VPS35L: variants seen among roughly 807,000 people sequenced by gnomAD.
VPS35L encodes the protein VPS35 endosomal protein-sorting factor-like.
In VPS35L, 83 loss-of-function variants were observed where a neutral mutation model predicts 133.0. That is an observed-to-expected ratio of 0.62 (90% CI 0.52 to 0.75). The LOEUF is 0.75. VPS35L is among the 30% of genes least tolerant of loss of function. The pLI, the probability that VPS35L is intolerant of heterozygous loss-of-function variation, is 0.00. For missense variants in VPS35L, 1,083 were observed against 1,206.8 expected, an observed-to-expected ratio of 0.90 and a Z score of 1.52; for synonymous variants, 423 against 449.9, an observed-to-expected ratio of 0.94 and a Z score of 0.76.
At chr16:19,654,330 T>A (rs1974230079) in intron 26 of VPS35L, among the ~76,000 whole-genome samples, 1 of 152,046 alleles carries the variant, frequency 6.6e-6, no homozygotes, top group East Asian at 1.9e-4. Context: ...TTGTCTCTGA[T>A]ACCCCCTCTC....
intron 2 of VPS35L, among the ~76,000 whole-genome samples, chr16:19,568,639 A>T (rs1159393883): frequency 6.6e-6 from 1 of 152,064 alleles, no homozygotes. Flanking sequence ...CTCCTAGGGT[A>T]TTAGGAGCTC....
intron 27 of VPS35L, among the ~76,000 whole-genome samples, chr16:19,677,183 C>T (rs983321075): frequency 2.6e-5 from 4 of 151,738 alleles, no homozygotes; most frequent in African/African-American, 4.8e-5. Flanking sequence ...CTCTTGCCTC[C>T]GCCTCCCGAG....
chr16:19,623,230 A>G (rs1344346827), intron 14 of VPS35L, among the ~76,000 whole-genome samples: 1 of 152,154 alleles, frequency 6.6e-6, no homozygotes, highest in African/African-American at 2.4e-5. Flanking sequence ...AGGAGCTTAA[A>G]CAACAGACTT....
At chr16:19,579,228 G>A in intron 6 of VPS35L, 100 bp downstream of exon 6, 3 of 1,096,150 alleles carry the variant, frequency 2.7e-6, no homozygotes, top group Non-Finnish European at 4.0e-6. Context: ...TAATTCCTGG[G>A]CTGCGCATTG....
chr16:19,573,242 G>T lies in VPS35L; in HGVS notation c.408+1G>T. ...CACCACTACCGAAAAGCTGTCTATT[G>T]TGAGTACCAGGAGACCCTCTCCAGA... On this transcript the variant is annotated splice_donor_variant, in intron 4 of 30. Coordinates refer to ENST00000417362, the MANE Select transcript of VPS35L (RefSeq NM_020314.7). LOFTEE classifies it high-confidence loss of function. 4 of 1,613,348 alleles carry T rather than the reference G, an allele frequency of 2.5e-6. No individual in the cohort carries two copies. The highest frequency in any genetic ancestry group is 3.4e-6 in the Non-Finnish European group (4 of 1,179,580).
At chr16:19,674,959 T>C (rs1975013097) in intron 27 of VPS35L, among the ~76,000 whole-genome samples, 1 of 151,622 alleles carries the variant, frequency 6.6e-6, no homozygotes, top group South Asian at 2.1e-4. Context: ...TTCTTTCTTT[T>C]TTTTTTTTTG....
chr16:19,569,160 T>G, intron 2 of VPS35L: 1 of 637,054 alleles, frequency 1.6e-6, no homozygotes, highest in Non-Finnish European at 2.9e-6. Flanking sequence ...CCCCAGGTGC[T>G]GTAGCCATCT....
chr16:19,690,170 G>A (rs1484947264), intron 28 of VPS35L, among the ~76,000 whole-genome samples: 1 of 152,144 alleles, frequency 6.6e-6, no homozygotes, highest in East Asian at 1.9e-4. Context: ...GCCTCCCAGA[G>A]TGCTGGGATT....
At chr16:19,646,877 A>G (rs535873132) in intron 23 of VPS35L, among the ~76,000 whole-genome samples, 1 of 152,232 alleles carries the variant, frequency 6.6e-6, no homozygotes, top group Non-Finnish European at 1.5e-5. Context: ...CCATTATACT[A>G]TCCCAGCCTG....
chr16:19,569,958 A>C (rs988675978), intron 3 of VPS35L, among the ~76,000 whole-genome samples: 1 of 152,168 alleles, frequency 6.6e-6, no homozygotes, highest in Non-Finnish European at 1.5e-5. Flanking sequence ...TAAGTTGCAC[A>C]AGTAATGCAC....
chr16:19,555,812 G>C (rs1970834043), intron 1 of VPS35L, 66 bp downstream of exon 1: 1 of 1,515,886 alleles, frequency 6.6e-7, no homozygotes, highest in Non-Finnish European at 8.8e-7. Context: ...GGTCGGCCTG[G>C]GTCTGAGAGT....
At chr16:19,576,998 C>G (rs745838122) in intron 5 of VPS35L, among the ~76,000 whole-genome samples, 1 of 152,162 alleles carries the variant, frequency 6.6e-6, no homozygotes, top group Admixed American at 6.5e-5. Context: ...TGAGCTACCA[C>G]GCCCAGCTTG....
At chr16:19,571,229 T>C (rs1045314393) in intron 3 of VPS35L, among the ~76,000 whole-genome samples, 6 of 152,024 alleles carry the variant, frequency 3.9e-5, no homozygotes, top group Non-Finnish European at 5.9e-5. Context: ...TTGTGACTTG[T>C]TTTTTTGGAG....
rs1287579106 is a variant in VPS35L at position 19,569,602 on chromosome 16, C to T, written c.285+11C>T. The T allele has an allele frequency of 4.6e-6, 7 of 1,525,064 alleles. No individual in the cohort carries two copies. Among genetic ancestry groups the T allele is most frequent in the African/African-American group, 2.8e-5 (2 of 72,052 alleles). The allele number at this position is 1,525,064 out of a possible 1,614,324, so 94.5% of individuals were successfully genotyped here. A position where few individuals can be genotyped will look rare whatever the true frequency, so the allele number is the denominator to read the frequency against. On this transcript the variant is annotated intron_variant, in intron 3 of 30. Coordinates refer to ENST00000417362, the MANE Select transcript of VPS35L (RefSeq NM_020314.7). The stretch of plus-strand genomic sequence containing the variant: ...TTGGCAGCTGCCATGGTAATGCACC[C>T]CAGCCATGGTCGTCCAGTGGGGGTT...
intron 18 of VPS35L, among the ~76,000 whole-genome samples, chr16:19,631,161 G>A (rs1416798623): frequency 2.6e-5 from 4 of 152,132 alleles, no homozygotes; most frequent in Non-Finnish European, 5.9e-5. Flanking sequence ...CCAGAACTGT[G>A]AGAATTACAT....
At chr16:19,569,385 G>T in intron 2 of VPS35L, 39 bp from the exon 3 acceptor site, 1 of 1,597,402 alleles carries the variant, frequency 6.3e-7, no homozygotes, top group Non-Finnish European at 8.5e-7. Context: ...GGAGAGAGTT[G>T]TGGGAGTTCC....
intron 7 of VPS35L, among the ~76,000 whole-genome samples, chr16:19,588,557 G>A (rs1243442686): frequency 6.6e-6 from 1 of 151,506 alleles, no homozygotes; most frequent in African/African-American, 2.4e-5. Context: ...CACTGTTCTG[G>A]GCCCTTTGCA....
rs151305264 is a variant in VPS35L at position 19,616,555 on chromosome 16, C to T, written c.1102-131C>T. ...TTTTGGTTTAAAAAAAAAAAACAAC[C>T]GAGAAACCAGGCTATTTCTCTCAGG... On this transcript the variant is annotated intron_variant, in intron 13 of 30. Coordinates refer to ENST00000417362, the MANE Select transcript of VPS35L (RefSeq NM_020314.7). The T allele has an allele frequency of 3.8e-4, 466 of 1,213,768 alleles. No homozygotes were observed. The African/African-American group carries it at 6.4e-3, about 17-fold the overall frequency. 75.2% of individuals were successfully genotyped at this position (1,213,768 alleles called of 1,614,324 possible).
intron 28 of VPS35L, among the ~76,000 whole-genome samples, chr16:19,686,912 C>G (rs2019186): frequency 0.23 from 34,647 of 152,076 alleles, 4,392 homozygotes; most frequent in Non-Finnish European, 0.28. Context: ...TACTGCCCCC[C>G]CTTCCTTGAG....
Sources: allele counts gnomAD v4.1 joint callset (sites outside exome capture counted in the v4.1 genomes callset), GRCh38; gene constraint gnomAD v4.1.1; transcripts MANE v1.5; gene names NCBI Gene and HGNC (gene_info 2026-07-23, HGNC 2026-07-21).